The following CACNB2 variants were observed in gnomAD, a reference collection of about 807,000 sequenced individuals.
CACNB2 encodes the protein voltage-dependent L-type calcium channel subunit beta-2.
In CACNB2, 42 loss-of-function variants were observed where a neutral mutation model predicts 73.3. The ratio of observed to expected loss-of-function variants is 0.57; its 90% CI spans 0.45 to 0.74. CACNB2 has a LOEUF of 0.74. Among genes scored for constraint, CACNB2 ranks in the 30% least tolerant of loss-of-function variants. CACNB2 has a pLI of 0.00. For synonymous variants in CACNB2, 348 were observed against 310.3 expected (o/e 1.12, Z -1.28); for missense variants, 940 against 853.0 (o/e 1.10, Z -1.27).
At chr10:18,393,513 A>T (rs1388638105) in intron 2 of CACNB2, among the ~76,000 whole-genome samples, 2 of 152,166 alleles carry the variant, frequency 1.3e-5, no homozygotes, top group African/African-American at 4.8e-5. Context: ...TTCGTTTTTT[A>T]AAAAAATGAA....
In CACNB2 at chr10:18,536,245, T is replaced by TTTC. The variant is rs1401742915; in HGVS notation, c.1302+51_1302+52insCTT. The stretch of plus-strand genomic sequence containing the variant: ...TAATCCAGTTACAGAGATCAGACCT[T>TTTC]TTTTTTTTTTTTTTTTTTTTTTTTT... On this transcript the variant is annotated intron_variant, in intron 12 of 13. Transcript: ENST00000324631. The TTTC allele has an allele frequency of 2.4e-3, 877 of 371,870 alleles. 78 individuals carry two copies. Among genetic ancestry groups the TTTC allele is most frequent in the South Asian group, 6.8e-3 (244 of 35,848 alleles). 23.0% of individuals were successfully genotyped at this position (371,870 alleles called of 1,614,324 possible). A position where few individuals can be genotyped will look rare whatever the true frequency, so the allele number is the denominator to read the frequency against.
intron 2 of CACNB2, among the ~76,000 whole-genome samples, chr10:18,335,931 C>T (rs551529247): frequency 1.2e-4 from 13 of 105,356 alleles, no homozygotes; most frequent in Admixed American, 3.3e-4. Flanking sequence ...TCTCTTCAAA[C>T]CTCAGTTGCT....
At chr10:18,295,998 G>GTTT (rs34043231) in intron 2 of CACNB2, among the ~76,000 whole-genome samples, 4 of 60,784 alleles carry the variant, frequency 6.6e-5, no homozygotes, top group Non-Finnish European at 1.2e-4. Context: ...CTTTTTGCGT[G>GTTT]TTTTTTTTTT....
At chr10:18,538,401 T>A in intron 13 of CACNB2, 36 bp downstream of exon 13, 1 of 1,587,064 alleles carries the variant, frequency 6.3e-7, no homozygotes, top group Non-Finnish European at 8.6e-7. Context: ...ATATATACAA[T>A]CTTCATAGAA....
intron 2 of CACNB2, among the ~76,000 whole-genome samples, chr10:18,249,709 GA>G (rs2037012064): frequency 6.6e-6 from 1 of 152,064 alleles, no homozygotes; most frequent in African/African-American, 2.4e-5. Flanking sequence ...TTTCTCAAGG[GA>G]ATTTCACAAA....
At chr10:18,338,394 C>G (rs975754287) in intron 2 of CACNB2, among the ~76,000 whole-genome samples, 3 of 152,254 alleles carry the variant, frequency 2.0e-5, no homozygotes, top group African/African-American at 7.2e-5. Flanking sequence ...TGGCTGTGAT[C>G]AAAAGGACAA....
At chr10:18,392,424 T>C (rs990951382) in intron 2 of CACNB2, among the ~76,000 whole-genome samples, 15 of 152,076 alleles carry the variant, frequency 9.9e-5, no homozygotes, top group East Asian at 9.6e-4. Flanking sequence ...AGAGACATCA[T>C]TGATGACCTT....
At chr10:18,303,275 C>A (rs535983792) in intron 2 of CACNB2, among the ~76,000 whole-genome samples, 8 of 152,178 alleles carry the variant, frequency 5.3e-5, no homozygotes, top group African/African-American at 1.9e-4. Context: ...GGCCAAGGTG[C>A]GAGGATCACT....
chr10:18,192,435 A>G (rs983689274), intron 2 of CACNB2, among the ~76,000 whole-genome samples: 1 of 151,998 alleles, frequency 6.6e-6, no homozygotes, highest in South Asian at 2.1e-4. Context: ...GTAGCCGCCA[A>G]CTCCTGGGCT....
chr10:18,415,349 C>G (rs1316247428), intron 3 of CACNB2, among the ~76,000 whole-genome samples: 1 of 152,020 alleles, frequency 6.6e-6, no homozygotes, highest in Non-Finnish European at 1.5e-5. Flanking sequence ...GCCTGCAGTT[C>G]CAGCTACTCA....
rs144182966 is a variant in CACNB2 at position 18,539,517 on chromosome 10, C to G, written c.1776C>G (p.Asp592Glu). ...YASHRDHNHR[D>E]ETHGSSDHRH... ...CACACCGTGACCACAACCACAGAGA[C>G]GAGACCCACGGGAGCAGTGACCACA... The change falls in exon 14 of 14, where the codon GAC becomes GAG. Residue 592 changes from aspartate to glutamate, a missense_variant. Transcript: ENST00000324631. The G allele has an allele frequency of 3.0e-5, 49 of 1,613,940 alleles. No homozygotes were observed. The South Asian group carries it at 4.5e-4, about 15-fold the overall frequency.
chr10:18,506,422 G>T (rs201550574), intron 5 of CACNB2, 49 bp from the exon 6 acceptor site: 4 of 906,162 alleles, frequency 4.4e-6, no homozygotes, highest in South Asian at 1.3e-5. Context: ...AAATGTTTGA[G>T]GATGCGAAAT....
chr10:18,407,717 T>A (rs1341147930), intron 3 of CACNB2, among the ~76,000 whole-genome samples: 1 of 152,170 alleles, frequency 6.6e-6, no homozygotes, highest in Admixed American at 6.5e-5. Flanking sequence ...TTTTTCTCCA[T>A]CTTTTTGTTG....
chr10:18,426,137 A>T (rs2132768989), intron 3 of CACNB2, among the ~76,000 whole-genome samples: 1 of 152,350 alleles, frequency 6.6e-6, no homozygotes, highest in East Asian at 1.9e-4. Flanking sequence ...AAGAAAAAGA[A>T]AAAACACAAA....
chr10:18,308,353 G>T (rs2039825660), intron 2 of CACNB2, among the ~76,000 whole-genome samples: 1 of 152,094 alleles, frequency 6.6e-6, no homozygotes, highest in South Asian at 2.1e-4. Flanking sequence ...CAGGTTTGCT[G>T]TATAGGGAAG....
Position 18,408,624 on chromosome 10 carries a change from A to C in CACNB2, c.333+6581A>C, listed in dbSNP as rs1461333809. Reference sequence around the variant, plus strand: ...CTCTTACAAACACATAGGTTTACAAAACACAAGCCTAAAACCAAGATGCTC... The same window carrying C: ...CTCTTACAAACACATAGGTTTACAACACACAAGCCTAAAACCAAGATGCTC... On this transcript the variant is annotated intron_variant, in intron 3 of 13. Coordinates refer to ENST00000324631, the MANE Select transcript of CACNB2 (RefSeq NM_201596.3). 4.6e-5 allele frequency among the ~76,000 whole-genome samples: 7 copies of C among 152,278 alleles called. No individual in the cohort carries two copies. In the East Asian group the frequency reaches 9.6e-4, roughly 21 times the overall value.
At chr10:18,464,458 C>G (rs1208154146) in intron 3 of CACNB2, among the ~76,000 whole-genome samples, 3 of 106,236 alleles carry the variant, frequency 2.8e-5, no homozygotes, top group South Asian at 3.7e-4. Context: ...GCTCTTTTCT[C>G]TTTACTTCTC....
chr10:18,416,888 C>G (rs1038653724), intron 3 of CACNB2, among the ~76,000 whole-genome samples: 11 of 151,552 alleles, frequency 7.3e-5, no homozygotes, highest in African/African-American at 2.7e-4. Context: ...ACTGAAGGAT[C>G]TTGCCCAAGC....
At chr10:18,236,804 C>T (rs1367711773) in intron 2 of CACNB2, among the ~76,000 whole-genome samples, 1 of 151,784 alleles carries the variant, frequency 6.6e-6, no homozygotes, top group African/African-American at 2.4e-5. Flanking sequence ...TCTCCCTACC[C>T]CCACCCTTTC....
Sources: gnomAD v4.1 joint callset for allele counts (sites outside exome capture counted in the v4.1 genomes callset) on GRCh38, gnomAD v4.1.1 for gene constraint, MANE v1.5 for transcripts, NCBI Gene and HGNC (gene_info 2026-07-23, HGNC 2026-07-21) for gene names.